Variants in MS4A1 observed in about 807,000 individuals in gnomAD.
The protein encoded by MS4A1 is B-lymphocyte antigen CD20.
MS4A1 carries 16 observed loss-of-function variants against 26.5 expected under a neutral mutation model. The observed-to-expected ratio is 0.60, with a 90% CI of 0.41 to 0.92. The LOEUF (loss-of-function observed/expected upper bound fraction) is 0.92, where lower values mean the gene tolerates loss of function less well. Ranked by LOEUF, MS4A1 falls within the 40% of genes least tolerant of loss-of-function variation. The pLI is 0.00. For missense variants in MS4A1, 350 were observed against 353.0 expected (o/e 0.99, Z 0.07); for synonymous variants, 128 against 117.6 (o/e 1.09, Z -0.57).
chr11:60,467,644 A>G (rs2086305414), intron 7 of MS4A1, among the ~76,000 whole-genome samples: 1 of 149,342 alleles, frequency 6.7e-6, no homozygotes. Flanking sequence ...TCATGATTCC[A>G]TATACAGTGT....
intron 5 of MS4A1, among the ~76,000 whole-genome samples, chr11:60,465,132 G>T (rs2086280468): frequency 6.6e-6 from 1 of 152,238 alleles, no homozygotes; most frequent in Admixed American, 6.5e-5. Flanking sequence ...GATACAGCCA[G>T]ATTTACTGAC....
intron 4 of MS4A1, chr11:60,463,626 G>A (rs546539494): frequency 2.9e-6 from 1 of 339,008 alleles, no homozygotes; most frequent in African/African-American, 2.1e-5. Flanking sequence ...ACCCTGTCTG[G>A]GTGTGGCACA....
Position 60,468,243 on chromosome 11 carries a change from GT to G in MS4A1, c.676-3del. 1.2e-6 allele frequency: 2 copies of G among 1,602,356 alleles called. No homozygotes were observed. Among genetic ancestry groups the G allele is most frequent in the Admixed American group, 1.7e-5 (1 of 59,462 alleles). On this transcript the variant is annotated splice_region_variant and splice_polypyrimidine_tract_variant and intron_variant, in intron 7 of 7. Coordinates refer to ENST00000345732, the MANE Select transcript of MS4A1 (RefSeq NM_152866.3). ...TAAAGAATGGTTTGTTTAATTTTCT[GT>G]TTTAGAACATAGTTCTCCTGTCAGC...
At position 60,462,854 on chromosome 11, in the gene MS4A1, A is replaced by C. The variant is rs1426370449; in HGVS notation, c.160-148A>C. The C allele has an allele frequency of 2.3e-6, 3 of 1,277,676 alleles. No individual in the cohort carries two copies. The South Asian group carries it at 3.6e-5, about 16-fold the overall frequency. The allele number at this position is 1,277,676 out of a possible 1,614,324, so 79.1% of individuals were successfully genotyped here. ...GTGGTTGAGGAAACAGATTCGAACA[A>C]GAAAAAGACAAAATTCTTGGCACCT... On this transcript the variant is annotated intron_variant, in intron 3 of 7. Transcript: ENST00000345732.
chr11:60,468,799 A>G lies in MS4A1; in HGVS notation c.*331A>G, dbSNP rs1051756. The G allele has an allele frequency of 0.58, 154,817 of 267,766 alleles. 45,551 individuals are homozygous for G. Among genetic ancestry groups the G allele is most frequent in the African/African-American group, 0.69 (31,017 of 45,096 alleles). The allele number at this position is 267,766 out of a possible 1,614,324, so 16.6% of individuals were successfully genotyped here. A position where few individuals can be genotyped will look rare whatever the true frequency, so the allele number is the denominator to read the frequency against. On this transcript the variant is annotated 3_prime_UTR_variant, in exon 8 of 8. Coordinates refer to ENST00000345732, the MANE Select transcript of MS4A1 (RefSeq NM_152866.3). ...TTTTTTTTTGTCATTTTCTCCATCA[A>G]CAACCAGGGAGACTGCACCTGATGG...
In MS4A1 at chr11:60,462,351, A is replaced by G. The variant is rs772297659; in HGVS notation, c.-24A>G. ...CTCTCCTCATTTTGTTATTTGTTTT[A>G]TTTTTAGGAGTTTTGAGAGCAAAAT... On this transcript the variant is annotated 5_prime_UTR_variant, in exon 3 of 8. Coordinates refer to ENST00000345732, the MANE Select transcript of MS4A1 (RefSeq NM_152866.3). The G allele has an allele frequency of 6.2e-7, 1 of 1,613,880 alleles. No individual in the cohort carries two copies. The highest frequency in any genetic ancestry group is 8.5e-7 in the Non-Finnish European group (1 of 1,179,802).
Position 60,468,624 on chromosome 11 carries a change from T to C in MS4A1, c.*156T>C, listed in dbSNP as rs200872082. Reference sequence around the variant, plus strand: ...TGACCATAGCTCCTTCTCTCTTACATTGAATGTAGAGAATGTAGCCATTGT... The same window carrying C: ...TGACCATAGCTCCTTCTCTCTTACACTGAATGTAGAGAATGTAGCCATTGT... On this transcript the variant is annotated 3_prime_UTR_variant, in exon 8 of 8. Transcript: ENST00000345732. 53 of 712,422 alleles carry C rather than the reference T, an allele frequency of 7.4e-5. No individual in the cohort carries two copies. Among genetic ancestry groups the C allele is most frequent in the Middle Eastern group, 5.4e-4 (2 of 3,728 alleles). 44.1% of individuals were successfully genotyped at this position (712,422 alleles called of 1,614,324 possible). A position where few individuals can be genotyped will look rare whatever the true frequency, so the allele number is the denominator to read the frequency against.
At chr11:60,459,328 G>A (rs947286406) in intron 1 of MS4A1, among the ~76,000 whole-genome samples, 7 of 152,184 alleles carry the variant, frequency 4.6e-5, no homozygotes, top group Non-Finnish European at 5.9e-5. Flanking sequence ...GCCTACTTAC[G>A]AAGGTGTTGA....
intron 1 of MS4A1, among the ~76,000 whole-genome samples, chr11:60,456,837 G>T (rs1281178040): frequency 6.6e-6 from 1 of 152,064 alleles, no homozygotes; most frequent in African/African-American, 2.4e-5. Context: ...CTCCATGTTG[G>T]CCAGGCTGGT....
rs188084881 is a variant in MS4A1, at chr11:60,470,433, T to C, written c.*1965T>C. The C allele has an allele frequency of 2.0e-5, 3 of 152,184 alleles. No homozygotes were observed. Among genetic ancestry groups the C allele is most frequent in the Admixed American group, 2.0e-4 (3 of 15,282 alleles). 9.4% of individuals were successfully genotyped at this position (152,184 alleles called of 1,614,324 possible). The stretch of plus-strand genomic sequence containing the variant: ...TCTGAAATATATATGAGGATTCCTC[T>C]CCAAACCCATGGTTTCTCTAAGAAT... On this transcript the variant is annotated 3_prime_UTR_variant, in exon 8 of 8. Coordinates refer to ENST00000345732, the MANE Select transcript of MS4A1 (RefSeq NM_152866.3).
chr11:60,457,616 G>A (rs2086214883), intron 1 of MS4A1, among the ~76,000 whole-genome samples: 1 of 152,156 alleles, frequency 6.6e-6, no homozygotes, highest in South Asian at 2.1e-4. Context: ...GATGGACTGA[G>A]AGATGATGGA....
At chr11:60,468,119 A>T (rs894739373) in intron 7 of MS4A1, 131 bp from the exon 8 acceptor site, 3 of 857,852 alleles carry the variant, frequency 3.5e-6, no homozygotes, top group Non-Finnish European at 5.4e-6. Flanking sequence ...AAATTTTGGC[A>T]TTTAAAGGCA....
chr11:60,463,022 G>A lies in MS4A1; in HGVS notation c.180G>A (p.Gly60=), dbSNP rs1473555726. The change falls in exon 4 of 8, where the codon GGG becomes GGA. Residue 60 remains glycine, a synonymous_variant. Transcript: ENST00000345732. ...KTLGAVQIMN[G]LFHIALGGLL... ...CCCAGGCTGTCCAGATTATGAATGG[G>A]CTCTTCCACATTGCCCTGGGGGGTC... is the stretch of plus-strand genomic sequence containing the variant. 3 of 1,613,986 alleles carry A rather than the reference G, an allele frequency of 1.9e-6. No homozygotes were observed. The highest frequency in any genetic ancestry group is 2.5e-6 in the Non-Finnish European group (3 of 1,179,998).
intron 5 of MS4A1, 32 bp downstream of exon 5, chr11:60,464,376 G>A (rs762259642): frequency 6.3e-7 from 1 of 1,599,004 alleles, no homozygotes; most frequent in South Asian, 1.1e-5. Context: ...TTTCCCACAT[G>A]TCAGAGAAGT....
At chr11:60,461,887 A>G (rs1350123944) in intron 2 of MS4A1, among the ~76,000 whole-genome samples, 1 of 151,888 alleles carries the variant, frequency 6.6e-6, no homozygotes, top group Admixed American at 6.6e-5. Context: ...CCTGGAATCG[A>G]CCCCTCCTGC....
At chr11:60,461,834 G>T (rs1028297404) in intron 2 of MS4A1, among the ~76,000 whole-genome samples, 4 of 149,032 alleles carry the variant, frequency 2.7e-5, no homozygotes, top group African/African-American at 9.7e-5. Context: ...GAGCCTTCTT[G>T]ATGTGACTTG....
At chr11:60,459,754 A>G (rs2086233166) in intron 1 of MS4A1, among the ~76,000 whole-genome samples, 1 of 152,210 alleles carries the variant, frequency 6.6e-6, no homozygotes, top group Non-Finnish European at 1.5e-5. Flanking sequence ...AGAAACAACC[A>G]AAGTTTCTTC....
chr11:60,458,277 G>A (rs1362650479), intron 1 of MS4A1: 2 of 152,252 alleles, frequency 1.3e-5, no homozygotes, highest in East Asian at 1.9e-4. Flanking sequence ...AAACTATTTT[G>A]AGTGGAAGAG....
chr11:60,466,230 G>A, intron 6 of MS4A1, 73 bp downstream of exon 6: 1 of 1,234,460 alleles, frequency 8.1e-7, no homozygotes, highest in Non-Finnish European at 1.2e-6. Flanking sequence ...TTATGAGCAT[G>A]AACTCTGGAT....
Sources: allele counts gnomAD v4.1 joint callset (sites outside exome capture counted in the v4.1 genomes callset), GRCh38; gene constraint gnomAD v4.1.1; transcripts MANE v1.5; gene names NCBI Gene and HGNC (gene_info 2026-07-23, HGNC 2026-07-21).